TLL1: variants seen among roughly 807,000 people sequenced by gnomAD.
TLL1 encodes the protein tolloid like 1.
In TLL1, 49 loss-of-function variants were observed where a neutral mutation model predicts 128.2. That is an observed-to-expected ratio of 0.38 (90% CI 0.30 to 0.48). The LOEUF (loss-of-function observed/expected upper bound fraction) is 0.48. Ranked by LOEUF, TLL1 falls within the 20% of genes least tolerant of loss-of-function variation. The pLI is 0.96. For synonymous variants in TLL1, 454 were observed against 418.8 expected, an observed-to-expected ratio of 1.08 and a Z score of -1.03; for missense variants, 1,123 against 1,242.0, an observed-to-expected ratio of 0.90 and a Z score of 1.44.
chr4:165,897,660 A>T (rs1198784978), intron 1 of TLL1, among the ~76,000 whole-genome samples: 28 of 101,068 alleles, frequency 2.8e-4, no homozygotes, highest in African/African-American at 1.2e-3. Flanking sequence ...CAGGTAGTCC[A>T]GCTTTTTTTT....
intron 16 of TLL1, among the ~76,000 whole-genome samples, chr4:166,073,153 A>G (rs571945503): frequency 6.6e-6 from 1 of 152,294 alleles, no homozygotes; most frequent in African/African-American, 2.4e-5. Context: ...ATAAGGAAGC[A>G]TCTTTCTGAA....
chr4:165,912,398 A>G (rs747443656), intron 1 of TLL1, among the ~76,000 whole-genome samples: 18 of 152,186 alleles, frequency 1.2e-4, no homozygotes, highest in Non-Finnish European at 2.9e-5. Context: ...TCATTCTAAA[A>G]CTTGATTTGG....
At chr4:165,939,368 T>C (rs958384001) in intron 1 of TLL1, among the ~76,000 whole-genome samples, 1 of 152,158 alleles carries the variant, frequency 6.6e-6, no homozygotes, top group African/African-American at 2.4e-5. Context: ...GTGACTCTTA[T>C]GCCTCATGCA....
At chr4:166,037,419 A>G (rs989704696) in intron 9 of TLL1, among the ~76,000 whole-genome samples, 8 of 152,332 alleles carry the variant, frequency 5.3e-5, no homozygotes, top group African/African-American at 1.7e-4. Context: ...GTAAACACTT[A>G]AAAAGTGGAA....
At chr4:165,983,101 C>CA (rs1276980239) in intron 1 of TLL1, among the ~76,000 whole-genome samples, 2 of 151,716 alleles carry the variant, frequency 1.3e-5, no homozygotes, top group Admixed American at 1.3e-4. Flanking sequence ...GCCATACACA[C>CA]AAAAAAGTTT....
intron 1 of TLL1, among the ~76,000 whole-genome samples, chr4:165,949,974 G>T (rs1734432351): frequency 6.6e-6 from 1 of 152,094 alleles, no homozygotes; most frequent in South Asian, 2.1e-4. Context: ...CCATTAAAAG[G>T]CAGAGATGAT....
chr4:165,954,957 C>T (rs181758667), intron 1 of TLL1, among the ~76,000 whole-genome samples: 5 of 152,136 alleles, frequency 3.3e-5, no homozygotes, highest in Admixed American at 1.3e-4. Context: ...TGGTTCCTAA[C>T]CAGACTGAAA....
chr4:165,921,710 G>C (rs1397577431), intron 1 of TLL1, among the ~76,000 whole-genome samples: 3 of 152,146 alleles, frequency 2.0e-5, no homozygotes, highest in African/African-American at 4.8e-5. Context: ...AGCAGTGTTT[G>C]GTCCCCAAGG....
intron 9 of TLL1, chr4:166,030,842 T>C: frequency 1.0e-6 from 1 of 1,003,210 alleles, no homozygotes. Context: ...AAATTAGCGT[T>C]TTTGTTTTTT....
chr4:165,945,265 G>T (rs1419604816), intron 1 of TLL1, among the ~76,000 whole-genome samples: 1 of 152,086 alleles, frequency 6.6e-6, no homozygotes, highest in African/African-American at 2.4e-5. Context: ...TTATTAAGTA[G>T]GAGAGGAGGA....
intron 1 of TLL1, among the ~76,000 whole-genome samples, chr4:165,903,733 T>TCACACACACACA (rs5863787): frequency 1.2e-3 from 168 of 144,884 alleles, no homozygotes; most frequent in Non-Finnish European, 1.9e-3. Context: ...TAAGTTCTTA[T>TCACACACACACA]CACACACACA....
chr4:165,889,399 C>G (rs959327664), intron 1 of TLL1, among the ~76,000 whole-genome samples: 2 of 152,114 alleles, frequency 1.3e-5, no homozygotes, highest in Non-Finnish European at 2.9e-5. Context: ...GTGATAAATC[C>G]AGAAGTTTTT....
At chr4:165,987,902 A>T (rs1479361036) in intron 1 of TLL1, among the ~76,000 whole-genome samples, 1 of 152,126 alleles carries the variant, frequency 6.6e-6, no homozygotes, top group African/African-American at 2.4e-5. Flanking sequence ...TTTGAAAAGC[A>T]TGGATTTTGT....
At chr4:165,951,370 C>T (rs1276584190) in intron 1 of TLL1, among the ~76,000 whole-genome samples, 1 of 152,036 alleles carries the variant, frequency 6.6e-6, no homozygotes, top group Non-Finnish European at 1.5e-5. Flanking sequence ...AGTGCTGAAA[C>T]ATAGGGGAAT....
intron 5 of TLL1, among the ~76,000 whole-genome samples, chr4:165,998,773 G>A (rs1254977517): frequency 6.6e-6 from 1 of 151,568 alleles, no homozygotes; most frequent in East Asian, 1.9e-4. Context: ...CTCCAGCCTG[G>A]GGGACAGAGC....
intron 1 of TLL1, among the ~76,000 whole-genome samples, chr4:165,963,864 G>T (rs1297996217): frequency 2.6e-5 from 4 of 152,086 alleles, no homozygotes; most frequent in Non-Finnish European, 4.4e-5. Context: ...AGAAGTGGAA[G>T]AATGGAAGAC....
intron 17 of TLL1, among the ~76,000 whole-genome samples, chr4:166,076,788 AGACAGGAACT>A (rs1262960827): frequency 6.6e-6 from 1 of 152,218 alleles, no homozygotes; most frequent in Non-Finnish European, 1.5e-5. Context: ...ATAGATTATT[AGACAGGAACT>A]GAATTTTACC....
intron 8 of TLL1, among the ~76,000 whole-genome samples, chr4:166,022,142 C>A (rs561337195): frequency 6.7e-6 from 1 of 150,178 alleles, no homozygotes; most frequent in African/African-American, 2.4e-5. Flanking sequence ...CTTTTTATTT[C>A]TTTCTTTGCC....
intron 11 of TLL1, among the ~76,000 whole-genome samples, chr4:166,043,039 A>G (rs1739308369): frequency 6.6e-6 from 1 of 152,212 alleles, no homozygotes; most frequent in Non-Finnish European, 1.5e-5. Flanking sequence ...TTTCGTTAAG[A>G]TAGGATTAAA....
Sources: allele counts gnomAD v4.1 joint callset (sites outside exome capture counted in the v4.1 genomes callset), GRCh38; gene constraint gnomAD v4.1.1; transcripts MANE v1.5; gene names NCBI Gene and HGNC (gene_info 2026-07-23, HGNC 2026-07-21).